PRDM5: variants seen among roughly 807,000 people sequenced by gnomAD.
PRDM5 encodes the protein PR domain zinc finger protein 5.
Under a neutral mutation model 81.2 loss-of-function variants are expected in PRDM5, and 56 were observed. The ratio of observed to expected loss-of-function variants is 0.69; its 90% CI spans 0.56 to 0.86. PRDM5 has a LOEUF of 0.86. Ranked by LOEUF, PRDM5 falls within the 40% of genes least tolerant of loss-of-function variation. PRDM5 has a pLI of 0.00. For missense variants in PRDM5, 697 were observed against 770.1 expected (o/e 0.91, Z 1.12); for synonymous variants, 267 against 256.4 (o/e 1.04, Z -0.39).
intron 10 of PRDM5, among the ~76,000 whole-genome samples, chr4:120,785,981 A>G (rs1054094505): frequency 6.6e-6 from 1 of 152,164 alleles, no homozygotes; most frequent in Non-Finnish European, 1.5e-5. Flanking sequence ...ATTCGGCACA[A>G]ATCAGTAAAT....
Position 120,803,678 on chromosome 4 carries a change from T to A in PRDM5, c.946-3933A>T, listed in dbSNP as rs1462782340. ...GCTGAGATTTTGTCACCACCAGGCC[T>A]GCCCTACAAGAGCTCCTGAAGGAAG... On this transcript the variant is annotated intron_variant, in intron 8 of 15. Coordinates refer to ENST00000264808, the MANE Select transcript of PRDM5 (RefSeq NM_018699.4). 2.0e-5 allele frequency among the ~76,000 whole-genome samples: 3 copies of A among 152,304 alleles called. No homozygotes were observed. In the East Asian group the frequency reaches 5.8e-4, roughly 29 times the overall value.
At chr4:120,738,005 C>G (rs964009930) in intron 14 of PRDM5, among the ~76,000 whole-genome samples, 1 of 152,172 alleles carries the variant, frequency 6.6e-6, no homozygotes, top group African/African-American at 2.4e-5. Flanking sequence ...TTCCTGTCTA[C>G]ATGAAAGTCA....
intron 3 of PRDM5, among the ~76,000 whole-genome samples, chr4:120,821,907 T>C (rs1224692206): frequency 6.6e-6 from 1 of 151,048 alleles, no homozygotes; most frequent in African/African-American, 2.4e-5. Context: ...CTCACCTCTT[T>C]GGTCTCTAAA....
intron 14 of PRDM5, among the ~76,000 whole-genome samples, chr4:120,732,343 A>T (rs1015498506): frequency 2.0e-5 from 3 of 152,178 alleles, no homozygotes; most frequent in Non-Finnish European, 4.4e-5. Flanking sequence ...CTTAACATCT[A>T]ATATTAAGTA....
intron 3 of PRDM5, chr4:120,839,139 G>T: frequency 1.5e-6 from 1 of 677,644 alleles, no homozygotes; most frequent in Non-Finnish European, 2.7e-6. Context: ...GAGCTCCCAG[G>T]TCTGGGATCC....
intron 3 of PRDM5, among the ~76,000 whole-genome samples, chr4:120,831,685 T>C (rs1469696019): frequency 1.6e-5 from 2 of 128,182 alleles, no homozygotes; most frequent in Non-Finnish European, 3.3e-5. Flanking sequence ...CTACTTATAC[T>C]ACTTATAAAG....
At position 120,811,406 on chromosome 4, in the gene PRDM5, C is replaced by T; in HGVS notation, c.909G>A (p.Lys303=). 1 of 1,602,570 alleles carries T rather than the reference C, an allele frequency of 6.2e-7. No individual in the cohort carries two copies. Among genetic ancestry groups the T allele is most frequent in the Non-Finnish European group, 8.5e-7 (1 of 1,171,878 alleles). ...CCTGTAGGCTTGATGCTGAAGAACACTTTTTATTGCACACTGAACATATAA... is the reference window on the plus strand; with the variant it reads ...CCTGTAGGCTTGATGCTGAAGAACATTTTTTATTGCACACTGAACATATAA... ...KKLICSVCNK[K]CSSASSLQEH... Residue 303 remains lysine, a synonymous_variant, in exon 8 of 16, where the codon AAG becomes AAA. Transcript: ENST00000264808.
chr4:120,764,882 T>TGTTAGTTGAGAG (rs1746159186), intron 13 of PRDM5, among the ~76,000 whole-genome samples: 1 of 152,200 alleles, frequency 6.6e-6, no homozygotes, highest in African/African-American at 2.4e-5. Context: ...AAAATAAATA[T>TGTTAGTTGAGAG]AGCAAAATAA....
At chr4:120,715,146 C>G (rs187050596) in intron 14 of PRDM5, among the ~76,000 whole-genome samples, 81 of 152,208 alleles carry the variant, frequency 5.3e-4, no homozygotes, top group Non-Finnish European at 9.6e-4. Context: ...AAAATCAAGT[C>G]TTGAGATTAC....
At chr4:120,820,714 A>G (rs1392590497) in intron 4 of PRDM5, among the ~76,000 whole-genome samples, 3 of 152,232 alleles carry the variant, frequency 2.0e-5, no homozygotes, top group African/African-American at 4.8e-5. Flanking sequence ...AGAGGAATCA[A>G]TCCCCTTCGG....
At chr4:120,803,937 G>A (rs1202590340) in intron 8 of PRDM5, among the ~76,000 whole-genome samples, 4 of 152,182 alleles carry the variant, frequency 2.6e-5, no homozygotes, top group African/African-American at 4.8e-5. Context: ...ACACCCATCA[G>A]TGTGCAGTAT....
chr4:120,922,589 G>A lies in PRDM5; in HGVS notation c.20C>T (p.Pro7Leu). 5 of 1,609,328 alleles carry A rather than the reference G, an allele frequency of 3.1e-6. No homozygotes were observed. Among genetic ancestry groups the A allele is most frequent in the Non-Finnish European group, 4.2e-6 (5 of 1,178,566 alleles). The change falls in exon 1 of 16, where the codon CCG becomes CTG. Residue 7 changes from proline to leucine, a missense_variant. Physicochemically the swap from Pro to Leu is moderately conservative, Grantham distance 98 (BLOSUM62 -3). Around this residue, in one of 3 missense-constraint regions of PRDM5, gnomAD observed 577 missense variants for 606.7 expected, o/e 0.95. Coordinates refer to ENST00000264808, the MANE Select transcript of PRDM5 (RefSeq NM_018699.4). Reference sequence around the variant, plus strand: ...GGAGGACTTCAGGGAGAACCTGTCCGGCACGTACATGCCCAGCATTTTCCC... The same window carrying A: ...GGAGGACTTCAGGGAGAACCTGTCCAGCACGTACATGCCCAGCATTTTCCC... MLGMYV[P>L]DRFSLKSSRV...
At chr4:120,724,743 A>T (rs1323444057) in intron 14 of PRDM5, among the ~76,000 whole-genome samples, 1 of 152,244 alleles carries the variant, frequency 6.6e-6, no homozygotes, top group Non-Finnish European at 1.5e-5. Flanking sequence ...CCCATTACAC[A>T]ATTTTGAAAA....
chr4:120,859,805 G>A (rs1579017423), intron 2 of PRDM5, among the ~76,000 whole-genome samples: 1 of 152,064 alleles, frequency 6.6e-6, no homozygotes, highest in Non-Finnish European at 1.5e-5. Flanking sequence ...AATTTCTGAA[G>A]GCAAGAATCC....
intron 13 of PRDM5, among the ~76,000 whole-genome samples, chr4:120,773,563 C>T (rs1013541606): frequency 1.7e-4 from 26 of 152,132 alleles, no homozygotes; most frequent in Non-Finnish European, 2.4e-4. Context: ...AAAGATCATT[C>T]GAAGTGCAAC....
At chr4:120,787,810 C>T (rs962402805) in intron 10 of PRDM5, among the ~76,000 whole-genome samples, 7 of 152,132 alleles carry the variant, frequency 4.6e-5, no homozygotes, top group African/African-American at 1.4e-4. Flanking sequence ...ATAAATATTA[C>T]GAGATGTCTA....
chr4:120,911,892 GATA>G (rs1289829880), intron 1 of PRDM5, among the ~76,000 whole-genome samples: 4 of 152,150 alleles, frequency 2.6e-5, no homozygotes, highest in Non-Finnish European at 5.9e-5. Flanking sequence ...ATCATTAGAG[GATA>G]ATAAGTTATT....
intron 15 of PRDM5, among the ~76,000 whole-genome samples, chr4:120,699,937 T>C (rs1735113559): frequency 1.1e-5 from 1 of 92,466 alleles, no homozygotes; most frequent in African/African-American, 3.7e-5. Context: ...AAAATTTATA[T>C]AGAACCAAAA....
intron 15 of PRDM5, 95 bp downstream of exon 15, chr4:120,710,214 C>T: frequency 9.6e-7 from 1 of 1,043,840 alleles, no homozygotes; most frequent in Non-Finnish European, 1.5e-6. Flanking sequence ...GCAACACACA[C>T]ACACAGACAC....
Sources: gnomAD v4.1 joint callset for allele counts (sites outside exome capture counted in the v4.1 genomes callset) on GRCh38, gnomAD v4.1.1 for gene constraint, gnomAD v4.1.1 regional missense constraint, MANE v1.5 for transcripts, NCBI Gene and HGNC (gene_info 2026-07-23, HGNC 2026-07-21) for gene names.